The following LARGE1 variants were observed in gnomAD, a reference collection of about 807,000 sequenced individuals.
LARGE1 encodes the protein xylosyl- and glucuronyltransferase LARGE1.
A neutral mutation model predicts 87.6 loss-of-function variants in LARGE1; 43 were observed. The observed-to-expected ratio is 0.49, with a 90% CI of 0.38 to 0.63. The LOEUF (loss-of-function observed/expected upper bound fraction) is 0.63, where lower values mean the gene tolerates loss of function less well. LARGE1 is among the 30% of genes least tolerant of loss of function. The pLI is 0.00. For missense variants in LARGE1, 802 were observed against 1,000.2 expected (o/e 0.80, Z 2.67); for synonymous variants, 434 against 394.6 (o/e 1.10, Z -1.18).
the LARGE1 span, among the ~76,000 whole-genome samples, chr22:33,095,671 A>G: frequency 2.0e-5 from 3 of 152,220 alleles, no homozygotes; most frequent in South Asian, 6.2e-4. Flanking sequence ...AAATGAAAGA[A>G]GAGAGACAGA....
intron 11 of LARGE1, among the ~76,000 whole-genome samples, chr22:33,230,001 G>GTT (rs1242273105): frequency 1.8e-5 from 2 of 111,674 alleles, no homozygotes; most frequent in Admixed American, 9.3e-5. Flanking sequence ...CATTTTCAAA[G>GTT]TTCTTTTTTT....
chr22:33,688,103 T>C (rs1173519069), intron 2 of LARGE1, among the ~76,000 whole-genome samples: 3 of 152,150 alleles, frequency 2.0e-5, no homozygotes, highest in Admixed American at 6.5e-5. Flanking sequence ...ACAGAGATAA[T>C]GAAATGCACC....
chr22:33,114,333 A>G, the LARGE1 span, among the ~76,000 whole-genome samples: 1 of 152,342 alleles, frequency 6.6e-6, no homozygotes, highest in East Asian at 1.9e-4. Context: ...TGTTAGGACA[A>G]CATAACTTAT....
chr22:33,705,227 T>C (rs1337313275), intron 2 of LARGE1, among the ~76,000 whole-genome samples: 1 of 152,150 alleles, frequency 6.6e-6, no homozygotes, highest in Non-Finnish European at 1.5e-5. Context: ...GAAGCCTCAA[T>C]TTTGAGCTGT....
chr22:33,346,096 A>G (rs149144279), intron 9 of LARGE1, among the ~76,000 whole-genome samples: 8 of 152,260 alleles, frequency 5.3e-5, no homozygotes, highest in African/African-American at 1.9e-4. Context: ...TTCCAGCTCT[A>G]TATCCAGGCT....
At chr22:33,601,286 A>G (rs1263405129) in intron 5 of LARGE1, among the ~76,000 whole-genome samples, 2 of 152,138 alleles carry the variant, frequency 1.3e-5, no homozygotes, top group Admixed American at 1.3e-4. Flanking sequence ...AAAGATCACA[A>G]AGCATGGACT....
chr22:33,504,800 T>TA (rs912138971), intron 6 of LARGE1, among the ~76,000 whole-genome samples: 3 of 151,926 alleles, frequency 2.0e-5, no homozygotes, highest in Non-Finnish European at 4.4e-5. Flanking sequence ...TACTCACATT[T>TA]AAAAAAAATA....
chr22:33,738,137 T>C (rs928946006), intron 2 of LARGE1, among the ~76,000 whole-genome samples: 3 of 152,190 alleles, frequency 2.0e-5, no homozygotes, highest in African/African-American at 7.2e-5. Flanking sequence ...AGCGCTAATG[T>C]CATTTTCTGC....
chr22:33,463,171 G>C (rs752351547), intron 6 of LARGE1, among the ~76,000 whole-genome samples: 1 of 151,882 alleles, frequency 6.6e-6, no homozygotes, highest in African/African-American at 2.4e-5. Flanking sequence ...CCGCAATCTA[G>C]TAAATAGACC....
At chr22:33,469,725 G>C (rs112648260) in intron 6 of LARGE1, among the ~76,000 whole-genome samples, 4,844 of 151,746 alleles carry the variant, frequency 0.032, 128 homozygotes, top group Non-Finnish European at 0.051. Flanking sequence ...CTACTCGAGA[G>C]GCTAAGGCAG....
At chr22:33,383,509 G>A (rs549292430) in intron 8 of LARGE1, among the ~76,000 whole-genome samples, 5 of 152,162 alleles carry the variant, frequency 3.3e-5, no homozygotes, top group Admixed American at 6.5e-5. Flanking sequence ...GCCGTGAGCC[G>A]AGACTGTACC....
chr22:33,896,083 C>T (rs2065136695), intron 1 of LARGE1, among the ~76,000 whole-genome samples: 1 of 152,212 alleles, frequency 6.6e-6, no homozygotes, highest in African/African-American at 2.4e-5. Context: ...TAAAAGCTCA[C>T]TCCCAATTCT....
intron 11 of LARGE1, among the ~76,000 whole-genome samples, chr22:33,180,862 C>A (rs1220442899): frequency 6.6e-6 from 1 of 151,972 alleles, no homozygotes; most frequent in East Asian, 1.9e-4. Context: ...TATGAAATAC[C>A]AAGAATAGGC....
chr22:33,790,112 C>A (rs1367824842), intron 1 of LARGE1, among the ~76,000 whole-genome samples: 1 of 152,146 alleles, frequency 6.6e-6, no homozygotes, highest in East Asian at 1.9e-4. Context: ...ATAACTGAAT[C>A]ATGGGGGTTT....
At chr22:33,513,973 T>C (rs2071177641) in intron 6 of LARGE1, among the ~76,000 whole-genome samples, 1 of 152,192 alleles carries the variant, frequency 6.6e-6, no homozygotes, top group African/African-American at 2.4e-5. Flanking sequence ...ACTTACCATT[T>C]TGTTACAACT....
At chr22:33,799,621 C>T (rs879795077) in intron 1 of LARGE1, among the ~76,000 whole-genome samples, 3 of 152,040 alleles carry the variant, frequency 2.0e-5, no homozygotes, top group East Asian at 3.9e-4. Flanking sequence ...TAAGTAGAGA[C>T]GGGGTTTCTC....
intron 9 of LARGE1, among the ~76,000 whole-genome samples, chr22:33,373,931 G>A: frequency 7.8e-6 from 1 of 128,056 alleles, no homozygotes; most frequent in Non-Finnish European, 1.5e-5. Context: ...CCGATATCGC[G>A]CCATTGCACT....
chr22:33,590,907 T>A (rs903657705), intron 5 of LARGE1, among the ~76,000 whole-genome samples: 2 of 152,134 alleles, frequency 1.3e-5, no homozygotes, highest in African/African-American at 4.8e-5. Context: ...TTTAATATTT[T>A]AAAAAGCTGC....
chr22:33,534,017 T>C (rs2076971019), intron 6 of LARGE1, among the ~76,000 whole-genome samples: 1 of 152,126 alleles, frequency 6.6e-6, no homozygotes, highest in Non-Finnish European at 1.5e-5. Flanking sequence ...CAATGTTTAC[T>C]GACTCTTCAT....
Sources: allele counts gnomAD v4.1 joint callset (sites outside exome capture counted in the v4.1 genomes callset), GRCh38; gene constraint gnomAD v4.1.1; transcripts MANE v1.5; gene names NCBI Gene and HGNC (gene_info 2026-07-23, HGNC 2026-07-21).